The following PRIM2 variants were observed in gnomAD, a reference collection of about 807,000 sequenced individuals.
The protein encoded by PRIM2 is DNA primase subunit 2.
In PRIM2, 39 loss-of-function variants were observed where a neutral mutation model predicts 67.3. The observed-to-expected ratio is 0.58, with a 90% CI of 0.45 to 0.76. PRIM2 has a LOEUF of 0.76. Among genes scored for constraint, PRIM2 ranks in the 30% least tolerant of loss-of-function variants. The pLI is 0.00. For missense variants in PRIM2, 398 were observed against 598.7 expected (o/e 0.66, Z 3.50); for synonymous variants, 143 against 198.7 (o/e 0.72, Z 2.36).
chr6:57,272,642 G>A, the PRIM2 span, among the ~76,000 whole-genome samples: 1 of 152,096 alleles, frequency 6.6e-6, no homozygotes, highest in Non-Finnish European at 1.5e-5. Flanking sequence ...AGTTAATATT[G>A]TTATGTGTGA....
chr6:57,276,289 C>T, the PRIM2 span, among the ~76,000 whole-genome samples: 7 of 151,780 alleles, frequency 4.6e-5, no homozygotes, highest in East Asian at 1.9e-4. Context: ...ACTTGGGAGG[C>T]GGAGGCATGA....
At chr6:57,423,261 A>G (rs1374755683) in intron 7 of PRIM2, among the ~76,000 whole-genome samples, 1 of 152,112 alleles carries the variant, frequency 6.6e-6, no homozygotes, top group Non-Finnish European at 1.5e-5. Context: ...GTTTTCATAG[A>G]CGTTTGCATG....
At chr6:57,622,632 A>G (rs1335785374) in intron 12 of PRIM2, among the ~76,000 whole-genome samples, 2 of 152,216 alleles carry the variant, frequency 1.3e-5, no homozygotes, top group Non-Finnish European at 2.9e-5. Flanking sequence ...GAGGAAGGAA[A>G]TGTGTTTTAG....
At chr6:57,526,931 A>G (rs1486607561) in intron 8 of PRIM2, among the ~76,000 whole-genome samples, 3 of 152,190 alleles carry the variant, frequency 2.0e-5, no homozygotes, top group African/African-American at 7.2e-5. Context: ...ATTCATTAAT[A>G]TAGCAGCTTC....
At chr6:57,429,483 CCCAGAGGAG>C (rs1771748591) in intron 7 of PRIM2, among the ~76,000 whole-genome samples, 1 of 152,130 alleles carries the variant, frequency 6.6e-6, no homozygotes, top group East Asian at 1.9e-4. Flanking sequence ...AGAAAGAGGA[CCCAGAGGAG>C]CCTGACTCAA....
chr6:57,313,180 T>A (rs1220083394), upstream of PRIM2, among the ~76,000 whole-genome samples: 1 of 152,252 alleles, frequency 6.6e-6, no homozygotes, highest in African/African-American at 2.4e-5. Context: ...CTCTGTTTCA[T>A]GGCCACATTC....
At chr6:57,417,184 C>T (rs1771293793) in intron 7 of PRIM2, among the ~76,000 whole-genome samples, 1 of 152,138 alleles carries the variant, frequency 6.6e-6, no homozygotes, top group Non-Finnish European at 1.5e-5. Context: ...TCAGGCTAGC[C>T]TCGAACTCCT....
At chr6:57,439,103 A>G (rs1461337831) in intron 7 of PRIM2, among the ~76,000 whole-genome samples, 1 of 152,106 alleles carries the variant, frequency 6.6e-6, no homozygotes, top group Non-Finnish European at 1.5e-5. Flanking sequence ...CATAACTTGG[A>G]TTTATTACAT....
chr6:57,282,094 A>G, the PRIM2 span, among the ~76,000 whole-genome samples: 2 of 152,166 alleles, frequency 1.3e-5, no homozygotes, highest in African/African-American at 4.8e-5. Flanking sequence ...CCTTTTCAAC[A>G]TCCAATGTGA....
chr6:57,440,926 A>T (rs1166150373), intron 7 of PRIM2, among the ~76,000 whole-genome samples: 3 of 152,162 alleles, frequency 2.0e-5, no homozygotes, highest in Admixed American at 6.5e-5. Flanking sequence ...ATAGCAGAAC[A>T]GAAATTATGC....
At chr6:57,244,881 C>T in the PRIM2 span, among the ~76,000 whole-genome samples, 1 of 152,170 alleles carries the variant, frequency 6.6e-6, no homozygotes, top group Non-Finnish European at 1.5e-5. Flanking sequence ...ATTGCCATGT[C>T]TCTATGCTTT....
chr6:57,450,291 C>T (rs1166836810), intron 7 of PRIM2, among the ~76,000 whole-genome samples: 69 of 152,272 alleles, frequency 4.5e-4, no homozygotes, highest in African/African-American at 1.6e-3. Flanking sequence ...GTGTCTAATA[C>T]TCAGAAACCT....
At chr6:57,561,381 G>A (rs1775625712) in intron 10 of PRIM2, among the ~76,000 whole-genome samples, 1 of 152,120 alleles carries the variant, frequency 6.6e-6, no homozygotes, top group South Asian at 2.1e-4. Flanking sequence ...ACAGGCGCAC[G>A]CCGCCACACC....
At chr6:57,314,928 C>A (rs1767451591), upstream of PRIM2, 2 of 152,202 alleles carry the variant, frequency 1.3e-5, no homozygotes, top group Admixed American at 1.3e-4. Context: ...GAGGTAGTGA[C>A]CAAAACTGTG....
chr6:57,471,602 G>T (rs1773339105), intron 7 of PRIM2, among the ~76,000 whole-genome samples: 1 of 152,164 alleles, frequency 6.6e-6, no homozygotes, highest in South Asian at 2.1e-4. Context: ...TAGCTACATG[G>T]TCTGTTTATA....
intron 7 of PRIM2, among the ~76,000 whole-genome samples, chr6:57,439,404 GTTTTTTTTTTTTTTTTTT>G (rs149436085): frequency 3.5e-5 from 2 of 57,068 alleles, no homozygotes; most frequent in South Asian, 1.2e-3. Flanking sequence ...GAGGTACTCT[GTTTTTTTTTTTTTTTTTT>G]TTTTTTTTTT....
the PRIM2 span, among the ~76,000 whole-genome samples, chr6:57,238,812 G>A: frequency 3.9e-5 from 6 of 152,068 alleles, no homozygotes; most frequent in South Asian, 4.1e-4. Flanking sequence ...TTGAGAGACC[G>A]CTAGCAAGAC....
chr6:57,298,540 C>A, the PRIM2 span, among the ~76,000 whole-genome samples: 1 of 151,916 alleles, frequency 6.6e-6, no homozygotes, highest in African/African-American at 2.4e-5. Flanking sequence ...GGAAGCAGGG[C>A]TCGGGGCAGA....
chr6:57,468,750 A>G (rs1773266496), intron 7 of PRIM2, among the ~76,000 whole-genome samples: 1 of 152,076 alleles, frequency 6.6e-6, no homozygotes, highest in Admixed American at 6.6e-5. Flanking sequence ...ACAACTTAGA[A>G]CCCTGACTAA....
Sources: gnomAD v4.1 joint callset for allele counts (sites outside exome capture counted in the v4.1 genomes callset) on GRCh38, gnomAD v4.1.1 for gene constraint, MANE v1.5 for transcripts, NCBI Gene and HGNC (gene_info 2026-07-23, HGNC 2026-07-21) for gene names.